Variants in SLC7A10 observed in about 807,000 individuals in gnomAD.
SLC7A10 encodes asc-type amino acid transporter 1.
A neutral mutation model predicts 52.7 loss-of-function variants in SLC7A10; 30 were observed. The observed-to-expected ratio is 0.57, with a 90% confidence interval of 0.43 to 0.77. The LOEUF (loss-of-function observed/expected upper bound fraction) is 0.77. Among genes scored for constraint, SLC7A10 ranks in the 30% least tolerant of loss-of-function variants. The pLI, the probability that SLC7A10 is intolerant of heterozygous loss-of-function variation, is 0.00. For synonymous variants in SLC7A10, 318 were observed against 314.9 expected (o/e 1.01, Z -0.10); for missense variants, 581 against 698.5 (o/e 0.83, Z 1.90).
intron 1 of SLC7A10, among the ~76,000 whole-genome samples, chr19:33,223,309 GAAAAAA>G (rs59600246): frequency 8.5e-6 from 1 of 117,340 alleles, no homozygotes. Flanking sequence ...CTCTGTCTCA[GAAAAAA>G]AAAAAAAAAA....
intron 3 of SLC7A10, 43 bp downstream of exon 3, chr19:33,212,808 C>T: frequency 6.2e-7 from 1 of 1,609,338 alleles, no homozygotes; most frequent in Non-Finnish European, 8.5e-7. Flanking sequence ...GGAGCCCGGG[C>T]AGGTGGCTGA....
At position 33,216,013 on chromosome 19, in the gene SLC7A10, C is replaced by G. The variant is rs1292811834; in HGVS notation, c.152-40G>C. 6 of 1,492,240 alleles carry G rather than the reference C, an allele frequency of 4.0e-6. No homozygotes were observed. In the Admixed American group the frequency reaches 8.4e-5, roughly 21 times the overall value. 92.4% of individuals were successfully genotyped at this position (1,492,240 alleles called of 1,614,324 possible). On this transcript the variant is annotated intron_variant, in intron 1 of 10. Coordinates refer to ENST00000253188, the MANE Select transcript of SLC7A10 (RefSeq NM_019849.3). ...ATGGGGAGGCATCAGGCCTGGGGTC[C>G]CCTTCGCAGCCCGGCCTTCTGTGTG... is the stretch of plus-strand genomic sequence containing the variant.
In SLC7A10 at chr19:33,225,611, C is replaced by G; in HGVS notation, c.93G>C (p.Ser31=). Residue 31 remains serine (S), a synonymous_variant, in exon 1 of 11, where the codon TCG becomes TCC. Coordinates refer to ENST00000253188, the MANE Select transcript of SLC7A10 (RefSeq NM_019849.3). The part of the protein sequence containing the change: ...SPVPGTVPGA[S]ERVALKKEIG... ...TCTCCTTCTTGAGCGCCACCCGCTCCGAGGCGCCGGGGACGGTCCCTGGGA... is the reference window on the plus strand; with the variant it reads ...TCTCCTTCTTGAGCGCCACCCGCTCGGAGGCGCCGGGGACGGTCCCTGGGA... 3 of 1,594,378 alleles carry G rather than the reference C, an allele frequency of 1.9e-6. No homozygotes were observed. The highest frequency in any genetic ancestry group is 2.5e-6 in the Non-Finnish European group (3 of 1,178,636).
intron 2 of SLC7A10, 97 bp from the exon 3 acceptor site, chr19:33,213,099 G>A (rs902229187): frequency 1.4e-5 from 21 of 1,516,238 alleles, no homozygotes; most frequent in South Asian, 6.0e-5. Context: ...TGGGCCTGGC[G>A]CCCGGGGGCT....
rs1319056683 is a variant in SLC7A10 at position 33,210,461 on chromosome 19, C to T, written c.1263+6G>A. ...CGGCACAGGGCCAGCTGTCCCAGGG[C>T]CTCACCTTGATGGGCCTGTGGAGTG... On this transcript the variant is annotated splice_donor_region_variant and intron_variant, in intron 9 of 10. Coordinates refer to ENST00000253188, the MANE Select transcript of SLC7A10 (RefSeq NM_019849.3). The surrounding 1 kb of genome is among the most constrained non-coding windows in gnomAD (Gnocchi z 5.6). The T allele has an allele frequency of 6.3e-7, 1 of 1,583,464 alleles. No individual in the cohort carries two copies.
intron 2 of SLC7A10, among the ~76,000 whole-genome samples, chr19:33,213,312 GGA>G (rs1463163306): frequency 1.3e-5 from 2 of 149,886 alleles, no homozygotes; most frequent in African/African-American, 4.9e-5. Context: ...TTTTTGAGAC[GGA>G]GTCTTGCTCT....
chr19:33,221,341 A>AC (rs959734827), intron 1 of SLC7A10, among the ~76,000 whole-genome samples: 21 of 150,802 alleles, frequency 1.4e-4, no homozygotes, highest in African/African-American at 3.9e-4. Flanking sequence ...GTCTGTCTTG[A>AC]CCCCCCCATG....
At chr19:33,212,667 C>A (rs556377048) in intron 3 of SLC7A10, 28 bp from the exon 4 acceptor site, 3 of 1,613,212 alleles carry the variant, frequency 1.9e-6, no homozygotes, top group Non-Finnish European at 1.7e-6. Flanking sequence ...GGGTGGGCGC[C>A]GAGGCCGGGA....
intron 9 of SLC7A10, 134 bp from the exon 10 acceptor site, chr19:33,209,619 C>T (rs1974495870): frequency 2.2e-6 from 2 of 898,162 alleles, no homozygotes; most frequent in Admixed American, 2.8e-5. Flanking sequence ...CCCACTACAC[C>T]CCCTCTTGGC....
In SLC7A10 at chr19:33,209,039, G is replaced by A. The variant is rs758316872; in HGVS notation, c.1442-18C>T. 1.9e-6 allele frequency: 3 copies of A among 1,613,084 alleles called. No individual in the cohort carries two copies. The African/African-American group carries it at 4.0e-5, about 22-fold the overall frequency. Reference sequence around the variant, plus strand: ...CATGGACTCTGAGGACAGACAGATGGACCTTGGGGCCTGACCTCTCGGGAT... The same window carrying A: ...CATGGACTCTGAGGACAGACAGATGAACCTTGGGGCCTGACCTCTCGGGAT... On this transcript the variant is annotated intron_variant, in intron 10 of 10. Transcript: ENST00000253188.
Position 33,212,974 on chromosome 19 carries a change from T to G in SLC7A10, c.385A>C (p.Ile129Leu). The G allele has an allele frequency of 1.2e-6, 2 of 1,613,098 alleles. No homozygotes were observed. The highest frequency in any genetic ancestry group is 2.2e-5 in the South Asian group (2 of 90,968). ...GFLLLWSAVL[I>L]MYPTSLAVIS... ...ACAGCAAGGCTGGTGGGGTACATGATGAGGACGGCGCTCCAGAGCAGCAGA... is the reference window on the plus strand; with the variant it reads ...ACAGCAAGGCTGGTGGGGTACATGAGGAGGACGGCGCTCCAGAGCAGCAGA... The change falls in exon 3 of 11, where the codon ATC (isoleucine) becomes CTC (leucine). Residue 129 changes from isoleucine (I) to leucine (L), a missense_variant. Physicochemically the swap from Ile to Leu is conservative, Grantham distance 5. Coordinates refer to ENST00000253188, the MANE Select transcript of SLC7A10 (RefSeq NM_019849.3).
chr19:33,219,635 G>T (rs1974771889), intron 1 of SLC7A10, among the ~76,000 whole-genome samples: 1 of 152,264 alleles, frequency 6.6e-6, no homozygotes, highest in Non-Finnish European at 1.5e-5. Flanking sequence ...GCAGCAGAGG[G>T]CTAGTCCAAC....
Position 33,212,404 on chromosome 19 carries a change from A to G in SLC7A10, c.676T>C (p.Trp226Arg). 1 of 1,613,950 alleles carries G rather than the reference A, an allele frequency of 6.2e-7. No individual in the cohort carries two copies. The highest frequency in any genetic ancestry group is 1.1e-5 in the South Asian group (1 of 91,090). ...ELRPSNAFAFWMTPSVGHLAL... is the reference protein window; with the variant it reads ...ELRPSNAFAFRMTPSVGHLAL... Reference sequence around the variant, plus strand: ...AGGTGTCCCACGGAGGGCGTCATCCAGAAAGCAAAGGCATTGCTGGGCCTC... The same window carrying G: ...AGGTGTCCCACGGAGGGCGTCATCCGGAAAGCAAAGGCATTGCTGGGCCTC... Residue 226 changes from tryptophan to arginine, a missense_variant, in exon 5 of 11, where the codon TGG becomes CGG. Coordinates refer to ENST00000253188, the MANE Select transcript of SLC7A10 (RefSeq NM_019849.3).
chr19:33,210,816 C>G lies in SLC7A10; in HGVS notation c.1099G>C (p.Ala367Pro). ...IHVRHCTPIP[A>P]LLVCCGATAV... ...CCCCAACTTACACAGACGAGGAGGG[C>G]GGGGATGGGGGTGCAGTGTCTGACG... Residue 367 changes from alanine (A) to proline (P), a missense_variant, in exon 8 of 11, where the codon GCC becomes CCC. Ala to Pro is a conservative substitution (Grantham distance 27). Transcript: ENST00000253188. The surrounding 1 kb of genome is among the most constrained non-coding windows in gnomAD (Gnocchi z 5.6). 1.9e-6 allele frequency: 3 copies of G among 1,613,478 alleles called. No individual in the cohort carries two copies. The highest frequency in any genetic ancestry group is 2.5e-6 in the Non-Finnish European group (3 of 1,180,002).
At chr19:33,218,407 G>A (rs1241068115) in intron 1 of SLC7A10, among the ~76,000 whole-genome samples, 2 of 152,124 alleles carry the variant, frequency 1.3e-5, no homozygotes, top group Non-Finnish European at 2.9e-5. Flanking sequence ...GTGTCTCTGA[G>A]GTCCTCAGGG....
At chr19:33,215,611 C>T (rs1974657511) in intron 2 of SLC7A10, among the ~76,000 whole-genome samples, 158 bp downstream of exon 2, 1 of 121,932 alleles carries the variant, frequency 8.2e-6, no homozygotes, top group Non-Finnish European at 1.8e-5. Flanking sequence ...CATCCAGCCC[C>T]CACACCTTCT....
At chr19:33,225,327 C>CA (rs1974898213) in intron 1 of SLC7A10, among the ~76,000 whole-genome samples, 1 of 152,228 alleles carries the variant, frequency 6.6e-6, no homozygotes. Context: ...GGAGGGGACC[C>CA]AAAACTCCCC....
intron 1 of SLC7A10, among the ~76,000 whole-genome samples, chr19:33,219,392 G>A (rs570124912): frequency 1.3e-5 from 2 of 152,354 alleles, no homozygotes; most frequent in Admixed American, 6.5e-5. Flanking sequence ...GACCACTGAG[G>A]TCACAGGGGC....
At chr19:33,218,671 T>TTTCTTTCTTTCTCTCTCTCTCTCTC in intron 1 of SLC7A10, among the ~76,000 whole-genome samples, 1 of 78,310 alleles carries the variant, frequency 1.3e-5, no homozygotes, top group South Asian at 3.8e-4. Context: ...ATTTCTTTCT[T>TTTCTTTCTTTCTCTCTCTCTCTCTC]TCTTTCTTTC....
Sources: gnomAD v4.1 joint callset for allele counts (sites outside exome capture counted in the v4.1 genomes callset) on GRCh38, gnomAD v4.1.1 for gene constraint, Gnocchi (gnomAD v3.1) non-coding constraint, MANE v1.5 for transcripts, NCBI Gene and HGNC (gene_info 2026-07-23, HGNC 2026-07-21) for gene names.